Variants in NRG1 observed in about 807,000 individuals in gnomAD.
NRG1 encodes the protein pro-neuregulin-1, membrane-bound isoform.
NRG1 carries 18 observed loss-of-function variants against 63.8 expected under a neutral mutation model. The observed-to-expected ratio is 0.28, with a 90% CI of 0.19 to 0.42. NRG1 has a LOEUF of 0.42. Among genes scored for constraint, NRG1 ranks in the 10% least tolerant of loss-of-function variants. NRG1 has a pLI of 1.00. For synonymous variants in NRG1, 302 were observed against 301.3 expected, an observed-to-expected ratio of 1.00 and a Z score of -0.02; for missense variants, 762 against 814.7, an observed-to-expected ratio of 0.94 and a Z score of 0.79.
intron 1 of NRG1, among the ~76,000 whole-genome samples, chr8:32,125,965 C>A (rs1834023453): frequency 6.6e-6 from 1 of 151,830 alleles, no homozygotes; most frequent in South Asian, 2.1e-4. Context: ...AAGATGTGAT[C>A]CCTCTTTTCT....
chr8:32,649,958 T>C (rs970254344), intron 5 of NRG1, among the ~76,000 whole-genome samples: 3 of 152,202 alleles, frequency 2.0e-5, no homozygotes, highest in Admixed American at 6.5e-5. Context: ...GGTTACTTGA[T>C]CATTTTAAAC....
At position 32,394,579 on chromosome 8, in the gene NRG1, G is replaced by A. The variant is rs553803010; in HGVS notation, c.38-201249G>A. 1.3e-5 allele frequency among the ~76,000 whole-genome samples: 2 copies of A among 152,112 alleles called. 1 individual carries two copies. Among genetic ancestry groups the A allele is most frequent in the South Asian group, 4.2e-4 (2 of 4,814 alleles). Reference sequence around the variant, plus strand: ...CTTTTCCTTCTTTTGGAATTTGGGGGTGTTTTCACAGAGTGATTTACCAAG... The same window carrying A: ...CTTTTCCTTCTTTTGGAATTTGGGGATGTTTTCACAGAGTGATTTACCAAG... On this transcript the variant is annotated intron_variant, in intron 1 of 10. Transcript: ENST00000519301.
intron 1 of NRG1, among the ~76,000 whole-genome samples, chr8:32,135,605 G>A (rs1253650528): frequency 6.6e-6 from 1 of 152,050 alleles, no homozygotes; most frequent in Non-Finnish European, 1.5e-5. Flanking sequence ...TTGAGAGAAG[G>A]GGAGTATCAG....
rs555599556 is a variant in NRG1 at position 31,683,342 on chromosome 8, A to G, written c.37+43911A>G. 6.6e-5 allele frequency among the ~76,000 whole-genome samples: 10 copies of G among 152,256 alleles called. No homozygotes were observed. In the East Asian group the frequency reaches 1.5e-3, roughly 24 times the overall value. ...AAAAAAATTGTGGTACACCTAGACAATGGAATACTATTCAGTGCTATCAGT... is the reference window on the plus strand; with the variant it reads ...AAAAAAATTGTGGTACACCTAGACAGTGGAATACTATTCAGTGCTATCAGT... On this transcript the variant is annotated intron_variant, in intron 1 of 10. Transcript: ENST00000519301.
At chr8:32,220,017 A>G (rs1180760207) in intron 1 of NRG1, among the ~76,000 whole-genome samples, 1 of 152,218 alleles carries the variant, frequency 6.6e-6, no homozygotes, top group Non-Finnish European at 1.5e-5. Context: ...GAATGCCATG[A>G]AGGGCAATTC....
At chr8:32,557,477 A>G (rs1835412457) in intron 1 of NRG1, among the ~76,000 whole-genome samples, 1 of 152,178 alleles carries the variant, frequency 6.6e-6, no homozygotes, top group African/African-American at 2.4e-5. Flanking sequence ...CAGTTGTTTA[A>G]AAATAAGTAA....
chr8:32,365,563 T>C (rs1009681877), intron 1 of NRG1, among the ~76,000 whole-genome samples: 5 of 152,184 alleles, frequency 3.3e-5, no homozygotes, highest in South Asian at 2.1e-4. Context: ...ATGAGGTAGA[T>C]TTTCAACAAT....
chr8:32,758,638 A>G (rs569724184), intron 9 of NRG1, among the ~76,000 whole-genome samples: 1 of 151,410 alleles, frequency 6.6e-6, no homozygotes, highest in African/African-American at 2.4e-5. Context: ...AAGAGAGAAA[A>G]GTAGAATCTA....
chr8:31,654,209 A>G (rs28679443), intron 1 of NRG1, among the ~76,000 whole-genome samples: 4,102 of 152,282 alleles, frequency 0.027, 163 homozygotes, highest in African/African-American at 0.094. Flanking sequence ...AAGTGCCAAT[A>G]TCATCCACCT....
chr8:32,443,546 CA>C lies in NRG1; in HGVS notation c.38-152281del, dbSNP rs1415665270. Among the ~76,000 whole-genome samples the C allele has an allele frequency of 4.6e-5, 7 of 152,298 alleles. No homozygotes were observed. The East Asian group carries it at 1.2e-3, about 25-fold the overall frequency. On this transcript the variant is annotated intron_variant, in intron 1 of 10. Coordinates refer to the NRG1 transcript ENST00000519301. ...ACAAGTGGCAGCTAAGGCAGAAAGA[CA>C]GCCATGGTTCCAGATGTCTGGGGAA...
At chr8:32,305,557 T>C (rs1856095202) in intron 1 of NRG1, among the ~76,000 whole-genome samples, 1 of 152,214 alleles carries the variant, frequency 6.6e-6, no homozygotes, top group Admixed American at 6.5e-5. Flanking sequence ...TTGCCGTGTG[T>C]ATCTTCCAGT....
chr8:32,092,105 C>G (rs572329805), intron 1 of NRG1, among the ~76,000 whole-genome samples: 2 of 151,988 alleles, frequency 1.3e-5, no homozygotes, highest in East Asian at 3.9e-4. Flanking sequence ...TATGTTATTT[C>G]ACAACATATG....
chr8:32,749,000 C>T (rs777767164), intron 7 of NRG1: 2 of 186,668 alleles, frequency 1.1e-5, no homozygotes, highest in Non-Finnish European at 2.2e-5. Flanking sequence ...AACCAATGAG[C>T]AAGAAGTATT....
At chr8:32,676,561 T>G (rs896597739) in intron 5 of NRG1, among the ~76,000 whole-genome samples, 1 of 152,322 alleles carries the variant, frequency 6.6e-6, no homozygotes, top group Admixed American at 6.5e-5. Flanking sequence ...ACCTATAAAA[T>G]TAATATACTT....
At chr8:31,986,882 G>T (rs1032963505) in intron 1 of NRG1, among the ~76,000 whole-genome samples, 2 of 152,118 alleles carry the variant, frequency 1.3e-5, no homozygotes, top group African/African-American at 4.8e-5. Context: ...ACATACAAAA[G>T]TTTGTTGACT....
At chr8:32,366,118 T>C (rs536585809) in intron 1 of NRG1, among the ~76,000 whole-genome samples, 1 of 152,240 alleles carries the variant, frequency 6.6e-6, no homozygotes, top group Non-Finnish European at 1.5e-5. Context: ...TCAGAATACA[T>C]TCATGGACAT....
chr8:32,374,982 ATTTG>A (rs1398420457), intron 1 of NRG1, among the ~76,000 whole-genome samples: 3 of 151,804 alleles, frequency 2.0e-5, no homozygotes, highest in Non-Finnish European at 4.4e-5. Context: ...CATTTTATTT[ATTTG>A]TTTGTTTGTT....
intron 1 of NRG1, among the ~76,000 whole-genome samples, chr8:32,299,254 G>C (rs532490205): frequency 2.6e-5 from 4 of 151,922 alleles, no homozygotes; most frequent in East Asian, 3.9e-4. Context: ...GTTTCCCTAA[G>C]AATTACCAAA....
At chr8:32,643,855 A>T (rs897270888) in intron 5 of NRG1, among the ~76,000 whole-genome samples, 10 of 152,194 alleles carry the variant, frequency 6.6e-5, no homozygotes, top group African/African-American at 2.4e-4. Flanking sequence ...TACAAATTAT[A>T]TTAAGGTAAT....
Sources: allele counts gnomAD v4.1 joint callset (sites outside exome capture counted in the v4.1 genomes callset), GRCh38; gene constraint gnomAD v4.1.1; transcripts MANE v1.5; gene names NCBI Gene and HGNC (gene_info 2026-07-23, HGNC 2026-07-21).